RHOXF1: variants seen among roughly 807,000 people sequenced by gnomAD.
RHOXF1 encodes Rhox homeobox family member 1, also known as PEPP subfamily gene 1.
In RHOXF1, 1 loss-of-function variant was observed where a neutral mutation model predicts 9.7. The ratio of observed to expected loss-of-function variants is 0.10; its 90% confidence interval spans 0.04 to 0.49. The LOEUF (loss-of-function observed/expected upper bound fraction) is 0.49, where lower values mean the gene tolerates loss of function less well. RHOXF1 is among the 20% of genes least tolerant of loss of function. The pLI, the probability that RHOXF1 is intolerant of heterozygous loss-of-function variation, is 0.95. For synonymous variants in RHOXF1, 72 were observed against 70.2 expected, an observed-to-expected ratio of 1.03 and a Z score of -0.13; for missense variants, 179 against 168.0, an observed-to-expected ratio of 1.07 and a Z score of -0.36.
At chrX:120,114,010 A>G (rs1293152538) in intron 1 of RHOXF1, among the ~76,000 whole-genome samples, 1 of 109,960 alleles carries the variant, frequency 9.1e-6, no homozygotes, top group Non-Finnish European at 1.9e-5. Flanking sequence ...ACACGGGAGG[A>G]TGGCTTGAAC....
chrX:120,109,110 G>A lies in RHOXF1; in HGVS notation c.*82C>T. 2 of 536,625 alleles carry A rather than the reference G, an allele frequency of 3.7e-6. No individual in the cohort carries two copies. Among genetic ancestry groups the A allele is most frequent in the Non-Finnish European group, 6.5e-6 (2 of 309,530 alleles). The allele number at this position is 536,625 out of a possible 1,213,427, so 44.2% of individuals were successfully genotyped here. On this transcript the variant is annotated 3_prime_UTR_variant, in exon 3 of 3. Coordinates refer to ENST00000217999, the MANE Select transcript of RHOXF1 (RefSeq NM_139282.3). Reference sequence around the variant, plus strand: ...TGCAGAGGAGATAAGGGTAGCCTGAGCGGCATGGGCAGCCCAGGTGTCAGT... The same window carrying A: ...TGCAGAGGAGATAAGGGTAGCCTGAACGGCATGGGCAGCCCAGGTGTCAGT...
At chrX:120,118,190 G>A (rs1180674608), upstream of RHOXF1, among the ~76,000 whole-genome samples, 2 of 111,902 alleles carry the variant, frequency 1.8e-5, no homozygotes, top group Non-Finnish European at 3.8e-5. Flanking sequence ...GGGAGAGGGC[G>A]ATGAAGTGCA....
rs782774382 is a variant in RHOXF1 at position 120,115,609 on chromosome X, G to A, written c.254C>T (p.Pro85Leu). 6.2e-5 allele frequency: 72 copies of A among 1,164,728 alleles called. No individual in the cohort carries two copies. In the South Asian group the frequency reaches 1.4e-3, roughly 22 times the overall value. ...CATGGCCGCCTGGGCCGGCTCCTCC[G>A]GCGGGGGCTGCGGCTGCTGCCGAGG... ...QEPRQQPQPP[P>L]EEPAQAAMEG... is the part of the protein sequence containing the mutation. Residue 85 changes from proline (P) to leucine (L), a missense_variant, in exon 1 of 3, where the codon CCG becomes CTG. Physicochemically the swap from Pro to Leu is moderately conservative, Grantham distance 98. Coordinates refer to ENST00000217999, the MANE Select transcript of RHOXF1 (RefSeq NM_139282.3).
At chrX:120,118,675 A>G (rs2057305942), upstream of RHOXF1, among the ~76,000 whole-genome samples, 2 of 110,950 alleles carry the variant, frequency 1.8e-5, no homozygotes, top group African/African-American at 6.6e-5. Flanking sequence ...AACCTGGGAT[A>G]TTGCATTAGT....
chrX:120,109,324 G>A (rs370389717), intron 2 of RHOXF1, 22 bp from the exon 3 acceptor site: 25 of 985,697 alleles, frequency 2.5e-5, no homozygotes, highest in Non-Finnish European at 3.4e-5. Context: ...GGGAAAAGGG[G>A]ATTGGTTTAG....
At chrX:120,114,732 G>T (rs1260535800) in intron 1 of RHOXF1, among the ~76,000 whole-genome samples, 3 of 111,991 alleles carry the variant, frequency 2.7e-5, no homozygotes, top group African/African-American at 9.7e-5. Context: ...AAAGCAAATC[G>T]AAACTACAAT....
upstream of RHOXF1, among the ~76,000 whole-genome samples, chrX:120,120,121 A>C (rs1447349304): frequency 1.8e-5 from 2 of 112,049 alleles, no homozygotes; most frequent in Non-Finnish European, 3.8e-5. Context: ...TGCAAAACAC[A>C]TCTTGAAGGC....
At chrX:120,119,546 T>A (rs2057308896), upstream of RHOXF1, 1 of 112,224 alleles carries the variant, frequency 8.9e-6, no homozygotes, top group African/African-American at 3.2e-5. Context: ...TCACCTAAGA[T>A]GCCTATGAGT....
chrX:120,116,205 G>A (rs1482605278), upstream of RHOXF1, among the ~76,000 whole-genome samples: 3 of 49,073 alleles, frequency 6.1e-5, no homozygotes, highest in African/African-American at 1.7e-4. Context: ...GGGGGTTGCC[G>A]GTGGGGGTAC....
Position 120,115,784 on chromosome X carries a change from G to C in RHOXF1, c.79C>G (p.Leu27Val). Residue 27 changes from leucine (L) to valine (V), a missense_variant, in exon 1 of 3, where the codon CTG becomes GTG. By Grantham distance (32) the Leu-to-Val change is conservative (BLOSUM62 1). Transcript: ENST00000217999. ...YQVKISPTPQLGAASSAEGHV... is the reference protein window; with the variant it reads ...YQVKISPTPQVGAASSAEGHV... ...CCTTCTGCGCTTGATGCTGCCCCCAGCTGAGGTGTGGGGCTTATTTTTACC... is the reference window on the plus strand; with the variant it reads ...CCTTCTGCGCTTGATGCTGCCCCCACCTGAGGTGTGGGGCTTATTTTTACC... The C allele has an allele frequency of 8.3e-7, 1 of 1,206,653 alleles. No individual in the cohort carries two copies. The highest frequency in any genetic ancestry group is 1.7e-5 in the African/African-American group (1 of 57,354).
At chrX:120,109,741 T>C (rs1555999545) in intron 2 of RHOXF1, among the ~76,000 whole-genome samples, 1 of 110,091 alleles carries the variant, frequency 9.1e-6, no homozygotes, top group Non-Finnish European at 1.9e-5. Flanking sequence ...TACATGCCAC[T>C]ATGCCCAGCT....
At chrX:120,117,308 C>T (rs114973085), upstream of RHOXF1, among the ~76,000 whole-genome samples, 10,252 of 109,911 alleles carry the variant, frequency 0.093, 391 homozygotes, top group Middle Eastern at 0.19. Context: ...GAAAGGAAAG[C>T]GCTAAGAGAG....
Position 120,109,308 on chromosome X carries a change from A to C in RHOXF1, c.445-6T>G. 1.9e-6 allele frequency: 2 copies of C among 1,078,565 alleles called. No individual in the cohort carries two copies. The highest frequency in any genetic ancestry group is 2.6e-6 in the Non-Finnish European group (2 of 779,017). The allele number at this position is 1,078,565 out of a possible 1,213,427, so 88.9% of individuals were successfully genotyped here. ...CTTTTATTCTTAAACCAAACCTACA[A>C]TCAGAGGGAAAAGGGGATTGGTTTA... On this transcript the variant is annotated splice_polypyrimidine_tract_variant and splice_region_variant and intron_variant, in intron 2 of 2. Transcript: ENST00000217999.
chrX:120,115,731 G>A lies in RHOXF1; in HGVS notation c.132C>T (p.Leu44=). The A allele has an allele frequency of 1.2e-5, 15 of 1,209,680 alleles. No homozygotes were observed. The highest frequency in any genetic ancestry group is 1.7e-5 in the Non-Finnish European group (15 of 895,284). The change falls in exon 1 of 3, where the codon CTC becomes CTT. Residue 44 remains leucine, a synonymous_variant. Coordinates refer to ENST00000217999, the MANE Select transcript of RHOXF1 (RefSeq NM_139282.3). Reference sequence around the variant, plus strand: ...CGCCCTCAGGGTTCATATTACCCATGAGGCCTGGAGCTCCTTGGCCAACAT... The same window carrying A: ...CGCCCTCAGGGTTCATATTACCCATAAGGCCTGGAGCTCCTTGGCCAACAT... ...EGHVGQGAPG[L]MGNMNPEGGV... is the part of the protein sequence containing the mutation.
At chrX:120,113,331 G>T (rs1028972766) in intron 1 of RHOXF1, among the ~76,000 whole-genome samples, 35 of 110,719 alleles carry the variant, frequency 3.2e-4, no homozygotes, top group African/African-American at 1.1e-3. Flanking sequence ...TAGTAGAGAT[G>T]GGGTTTTGCC....
intron 1 of RHOXF1, among the ~76,000 whole-genome samples, chrX:120,114,446 A>T (rs1195696721): frequency 9.0e-6 from 1 of 111,639 alleles, no homozygotes; most frequent in Non-Finnish European, 1.9e-5. Context: ...ATCAAAATTT[A>T]AAACTTCTGT....
At chrX:120,117,647 A>AGCCACTC (rs1282534511), upstream of RHOXF1, 7 of 111,786 alleles carry the variant, frequency 6.3e-5, no homozygotes, top group African/African-American at 2.0e-4. Context: ...ACAAGGACTA[A>AGCCACTC]GCCACTCGCT....
chrX:120,112,021 C>G (rs1423715666), intron 2 of RHOXF1, among the ~76,000 whole-genome samples: 1 of 111,543 alleles, frequency 9.0e-6, no homozygotes, highest in African/African-American at 3.3e-5. Flanking sequence ...GGCTGCCACT[C>G]TCTATACTGC....
chrX:120,109,732 A>C (rs2057257201), intron 2 of RHOXF1, among the ~76,000 whole-genome samples: 1 of 110,225 alleles, frequency 9.1e-6, no homozygotes, highest in Non-Finnish European at 1.9e-5. Flanking sequence ...TACTAGAGGT[A>C]CATGCCACTA....
Sources: allele counts gnomAD v4.1 joint callset (sites outside exome capture counted in the v4.1 genomes callset), GRCh38; gene constraint gnomAD v4.1.1; transcripts MANE v1.5; gene names NCBI Gene and HGNC (gene_info 2026-07-23, HGNC 2026-07-21).